The following EPHX4 variants were observed in gnomAD, a reference collection of about 807,000 sequenced individuals.
EPHX4 encodes abhydrolase domain containing 7.
Under a neutral mutation model 44.9 loss-of-function variants are expected in EPHX4, and 31 were observed. That is an observed-to-expected ratio of 0.69 (90% CI 0.52 to 0.93). EPHX4 has a LOEUF of 0.93. Ranked by LOEUF, EPHX4 falls within the 40% of genes least tolerant of loss-of-function variation. The probability of loss-of-function intolerance (pLI) is 0.00; values close to 1 mark genes in which losing one functional copy is unlikely to be tolerated. For missense variants in EPHX4, 373 were observed against 438.1 expected, an observed-to-expected ratio of 0.85 and a Z score of 1.33; for synonymous variants, 151 against 159.7, an observed-to-expected ratio of 0.95 and a Z score of 0.41.
chr1:92,042,920 C>A lies in EPHX4; in HGVS notation c.415C>A (p.Arg139=), dbSNP rs201340952. 6.2e-7 allele frequency: 1 copy of A among 1,612,528 alleles called. No individual in the cohort carries two copies. The highest frequency in any genetic ancestry group is 1.1e-5 in the South Asian group (1 of 91,000). ...GYGETDAPIH[R]QNYKLDCLIT... is the part of the protein sequence containing the mutation. ...TGGAGAAACAGATGCTCCCATTCAT[C>A]GACAGAATTATAAATTGGATTGTCT... The change falls in exon 3 of 7, where the codon CGA becomes AGA. Residue 139 remains arginine, a synonymous_variant. Coordinates refer to ENST00000370383, the MANE Select transcript of EPHX4 (RefSeq NM_173567.5).
chr1:92,054,113 T>A (rs1647314150), intron 6 of EPHX4, among the ~76,000 whole-genome samples: 1 of 152,200 alleles, frequency 6.6e-6, no homozygotes, highest in Non-Finnish European at 1.5e-5. Context: ...TTTAGGGATT[T>A]GAATTTGTGC....
At chr1:92,043,172 A>G (rs985386761) in intron 3 of EPHX4, 192 bp downstream of exon 3, 13 of 466,010 alleles carry the variant, frequency 2.8e-5, no homozygotes, top group Non-Finnish European at 4.9e-5. Context: ...TAGAGCAACT[A>G]TTCTGTCTAC....
At chr1:92,055,412 C>T (rs563169500) in intron 6 of EPHX4, among the ~76,000 whole-genome samples, 2 of 152,220 alleles carry the variant, frequency 1.3e-5, no homozygotes, top group Admixed American at 1.3e-4. Context: ...CAAAGGGAGT[C>T]ATGAGATTAT....
chr1:92,050,808 A>G (rs1647236457), intron 5 of EPHX4, among the ~76,000 whole-genome samples: 1 of 151,542 alleles, frequency 6.6e-6, no homozygotes, highest in Non-Finnish European at 1.5e-5. Context: ...GTCATATGCA[A>G]GTATCTTGGA....
At chr1:92,048,821 G>A (rs562576535) in intron 4 of EPHX4, among the ~76,000 whole-genome samples, 19 of 152,052 alleles carry the variant, frequency 1.2e-4, no homozygotes, top group African/African-American at 4.6e-4. Context: ...CTGGGCTCAA[G>A]TGATCCTCCC....
chr1:92,043,001 A>G, intron 3 of EPHX4, 21 bp downstream of exon 3: 2 of 1,559,060 alleles, frequency 1.3e-6, no homozygotes, highest in South Asian at 2.3e-5. Context: ...TTGAAACAAA[A>G]CAACTCTTTT....
At chr1:92,058,241 A>G (rs141893347) in intron 6 of EPHX4, among the ~76,000 whole-genome samples, 1 of 152,230 alleles carries the variant, frequency 6.6e-6, no homozygotes, top group African/African-American at 2.4e-5. Flanking sequence ...CGGGAGTTCA[A>G]CACCAGTCTG....
intron 4 of EPHX4, among the ~76,000 whole-genome samples, chr1:92,048,288 T>G (rs537928980): frequency 6.8e-4 from 104 of 152,306 alleles, no homozygotes; most frequent in African/African-American, 2.4e-3. Context: ...CTAGTTTGAA[T>G]TCAACAGCAG....
intron 3 of EPHX4, among the ~76,000 whole-genome samples, chr1:92,044,826 A>C (rs187734463): frequency 3.0e-4 from 46 of 152,282 alleles, no homozygotes; most frequent in Middle Eastern, 3.4e-3. Context: ...TCAAAAAAAA[A>C]CCAAATAATC....
At position 92,052,786 on chromosome 1, in the gene EPHX4, T is replaced by G. The variant is rs1488520651; in HGVS notation, c.857+128T>G. 3 of 792,008 alleles carry G rather than the reference T, an allele frequency of 3.8e-6. No individual in the cohort carries two copies. In the East Asian group the frequency reaches 9.1e-5, roughly 24 times the overall value. The allele number at this position is 792,008 out of a possible 1,614,324, so 49.1% of individuals were successfully genotyped here. On this transcript the variant is annotated intron_variant, in intron 6 of 6. Transcript: ENST00000370383. ...AAATAAGGTATTTTAATTTTTTTAG[T>G]AAGTTGCATAATCTTTTTATGGACA... is the stretch of plus-strand genomic sequence containing the variant.
chr1:92,054,169 C>T (rs145568978), intron 6 of EPHX4, among the ~76,000 whole-genome samples: 1 of 152,304 alleles, frequency 6.6e-6, no homozygotes, highest in African/African-American at 2.4e-5. Flanking sequence ...TATGTGTTAA[C>T]ATGCCTTAGG....
Position 92,030,026 on chromosome 1 carries a change from G to A in EPHX4, c.-54G>A. 1.5e-6 allele frequency: 2 copies of A among 1,350,964 alleles called. No homozygotes were observed. The highest frequency in any genetic ancestry group is 3.2e-5 in the South Asian group (2 of 62,800). The allele number at this position is 1,350,964 out of a possible 1,614,324, so 83.7% of individuals were successfully genotyped here. On this transcript the variant is annotated 5_prime_UTR_variant, in exon 1 of 7. Coordinates refer to ENST00000370383, the MANE Select transcript of EPHX4 (RefSeq NM_173567.5). ...CGGCGGGCTGGCCTGGCGCGCTGCG[G>A]CGCTCGCTCACCCGCTCCCGAGGAA...
At chr1:92,047,883 A>G (rs1262295846) in intron 4 of EPHX4, among the ~76,000 whole-genome samples, 3 of 152,224 alleles carry the variant, frequency 2.0e-5, no homozygotes, top group Admixed American at 6.5e-5. Flanking sequence ...ATTCACATGG[A>G]CGATACTTTG....
chr1:92,040,513 C>T (rs988259280), intron 2 of EPHX4, among the ~76,000 whole-genome samples: 10 of 151,910 alleles, frequency 6.6e-5, no homozygotes, highest in African/African-American at 2.2e-4. Flanking sequence ...TTAGTAGAAA[C>T]GGGGTTTCTC....
At chr1:92,060,610 G>A (rs140171410) in intron 6 of EPHX4, among the ~76,000 whole-genome samples, 56 of 151,948 alleles carry the variant, frequency 3.7e-4, no homozygotes, top group East Asian at 1.2e-3. Context: ...GAGAATGGCC[G>A]AGATCATTTT....
chr1:92,034,609 A>G (rs1336653826), intron 2 of EPHX4, among the ~76,000 whole-genome samples: 1 of 150,618 alleles, frequency 6.6e-6, no homozygotes, highest in Admixed American at 6.6e-5. Context: ...TTTAAAATGC[A>G]TCTAGTGCTG....
At chr1:92,030,489 A>AT (rs1688343807) in intron 1 of EPHX4, among the ~76,000 whole-genome samples, 179 bp downstream of exon 1, 4 of 98,816 alleles carry the variant, frequency 4.0e-5, no homozygotes, top group African/African-American at 8.4e-5. Flanking sequence ...TGTGTGTGAG[A>AT]GAGAGAGAGA....
chr1:92,058,318 G>A (rs1647416202), intron 6 of EPHX4, among the ~76,000 whole-genome samples: 1 of 151,928 alleles, frequency 6.6e-6, no homozygotes, highest in Admixed American at 6.6e-5. Context: ...GTGCATGTCT[G>A]TAATCCCAGC....
At position 92,054,987 on chromosome 1, in the gene EPHX4, T is replaced by C. The variant is rs545158267; in HGVS notation, c.857+2329T>C. Among the ~76,000 whole-genome samples the C allele has an allele frequency of 3.9e-5, 6 of 152,226 alleles. No individual in the cohort carries two copies. The East Asian group carries it at 1.2e-3, about 29-fold the overall frequency. ...GGAGGATAGAATTAGAAATTGCGTA[T>C]GTATATATATGCTAATAATTTTTTG... On this transcript the variant is annotated intron_variant, in intron 6 of 6. Coordinates refer to ENST00000370383, the MANE Select transcript of EPHX4 (RefSeq NM_173567.5).
Sources: allele counts gnomAD v4.1 joint callset (sites outside exome capture counted in the v4.1 genomes callset), GRCh38; gene constraint gnomAD v4.1.1; transcripts MANE v1.5; gene names NCBI Gene and HGNC (gene_info 2026-07-23, HGNC 2026-07-21).